The following LTBP1 variants were observed in gnomAD, a reference collection of about 807,000 sequenced individuals.
LTBP1 encodes latent transforming growth factor beta binding protein 1.
Under a neutral mutation model 207.6 loss-of-function variants are expected in LTBP1, and 129 were observed. The ratio of observed to expected loss-of-function variants is 0.62; its 90% confidence interval spans 0.54 to 0.72. LTBP1 has a LOEUF of 0.72. Among genes scored for constraint, LTBP1 ranks in the 30% least tolerant of loss-of-function variants. LTBP1 has a pLI of 0.00. For missense variants in LTBP1, 2,281 were observed against 2,217.2 expected, an observed-to-expected ratio of 1.03 and a Z score of -0.58; for synonymous variants, 963 against 833.7, an observed-to-expected ratio of 1.16 and a Z score of -2.67.
At chr2:32,959,619 A>ATTTTTTTTT (rs1378144146) in intron 2 of LTBP1, among the ~76,000 whole-genome samples, 1,279 of 47,830 alleles carry the variant, frequency 0.027, 37 homozygotes, top group South Asian at 0.041. Flanking sequence ...ATATATATAT[A>ATTTTTTTTT]TATTTTTTTT....
At chr2:33,317,187 G>A (rs2094286317) in intron 24 of LTBP1, among the ~76,000 whole-genome samples, 1 of 152,134 alleles carries the variant, frequency 6.6e-6, no homozygotes, top group South Asian at 2.1e-4. Flanking sequence ...ACTTGGCAAA[G>A]ACTTGAATTT....
At chr2:33,202,302 G>T (rs1291836081) in intron 7 of LTBP1, among the ~76,000 whole-genome samples, 3 of 152,146 alleles carry the variant, frequency 2.0e-5, no homozygotes, top group African/African-American at 7.2e-5. Context: ...TGGGGAAATA[G>T]ATGTGATGCC....
chr2:33,164,634 C>T (rs1209883326), intron 5 of LTBP1, among the ~76,000 whole-genome samples: 1 of 151,858 alleles, frequency 6.6e-6, no homozygotes, highest in Non-Finnish European at 1.5e-5. Context: ...AAAAAATGAC[C>T]CAAAAAGCTC....
intron 5 of LTBP1, among the ~76,000 whole-genome samples, chr2:33,175,935 C>T (rs1291652966): frequency 2.9e-5 from 3 of 105,250 alleles, no homozygotes; most frequent in Non-Finnish European, 2.0e-5. Context: ...TATCCTCACT[C>T]ATAGGTGGGA....
chr2:33,238,615 C>A (rs1284000617), intron 9 of LTBP1, among the ~76,000 whole-genome samples: 1 of 152,202 alleles, frequency 6.6e-6, no homozygotes, highest in Non-Finnish European at 1.5e-5. Context: ...GAGACTTGCT[C>A]TGGGTAACAT....
At chr2:33,217,708 A>G (rs1286422170) in intron 8 of LTBP1, 54 bp downstream of exon 8, 23 of 1,232,480 alleles carry the variant, frequency 1.9e-5, no homozygotes, top group South Asian at 3.8e-5. Context: ...TCTGTTTTTT[A>G]TGATTACTCC....
intron 3 of LTBP1, among the ~76,000 whole-genome samples, chr2:33,074,940 AC>A (rs1000958290): frequency 6.6e-6 from 1 of 151,598 alleles, no homozygotes; most frequent in African/African-American, 2.4e-5. Flanking sequence ...AATCCCAGCT[AC>A]TTGGGAGGCT....
At chr2:32,998,268 A>G (rs1343416384) in intron 2 of LTBP1, among the ~76,000 whole-genome samples, 1 of 152,160 alleles carries the variant, frequency 6.6e-6, no homozygotes, top group Non-Finnish European at 1.5e-5. Context: ...CTGTAATCCC[A>G]GCACTCTGGG....
At chr2:33,111,644 C>G (rs867324406) in intron 4 of LTBP1, among the ~76,000 whole-genome samples, 1 of 152,188 alleles carries the variant, frequency 6.6e-6, no homozygotes, top group Non-Finnish European at 1.5e-5. Flanking sequence ...TCCACCTCCC[C>G]GTTTCTGTAC....
intron 3 of LTBP1, among the ~76,000 whole-genome samples, chr2:33,045,232 T>C (rs1452097549): frequency 6.6e-6 from 1 of 152,156 alleles, no homozygotes; most frequent in Non-Finnish European, 1.5e-5. Context: ...TCTTCTAGGG[T>C]TTTTATGGTT....
Position 33,398,987 on chromosome 2 carries a change from T to G in LTBP1, c.*442T>G, listed in dbSNP as rs2095383339. 6.5e-6 allele frequency: 1 copy of G among 153,040 alleles called. No individual in the cohort carries two copies. The allele number at this position is 153,040 out of a possible 1,614,324, so 9.5% of individuals were successfully genotyped here. A position where few individuals can be genotyped will look rare whatever the true frequency, so the allele number is the denominator to read the frequency against. ...TTTTTAAAAATCTCAAATGAAAAAG[T>G]CTTCGATACAATATTGTTAAGCTGT... On this transcript the variant is annotated 3_prime_UTR_variant, in exon 34 of 34. Transcript: ENST00000404816.
Position 33,076,925 on chromosome 2 carries a change from G to A in LTBP1, c.864-33657G>A, listed in dbSNP as rs189156221. Among the ~76,000 whole-genome samples, 539 of 152,258 alleles carry A rather than the reference G, an allele frequency of 3.5e-3. 4 individuals carry two copies. The highest frequency in any genetic ancestry group is 0.012 in the African/African-American group (506 of 41,552). On this transcript the variant is annotated intron_variant, in intron 3 of 33. Coordinates refer to ENST00000404816, the MANE Select transcript of LTBP1 (RefSeq NM_206943.4). ...CAAGAGGGCATCTGTTCAGTGAGGCGAGGGGCTTAGAATTTTATTTTTATT... is the reference window on the plus strand; with the variant it reads ...CAAGAGGGCATCTGTTCAGTGAGGCAAGGGGCTTAGAATTTTATTTTTATT...
chr2:33,168,537 C>T (rs375349680), intron 5 of LTBP1, among the ~76,000 whole-genome samples: 1 of 151,880 alleles, frequency 6.6e-6, no homozygotes, highest in Non-Finnish European at 1.5e-5. Flanking sequence ...TTTAGTATTT[C>T]TGAAGAGCCA....
chr2:33,241,021 A>G (rs1340968819), intron 9 of LTBP1, among the ~76,000 whole-genome samples: 1 of 152,236 alleles, frequency 6.6e-6, no homozygotes, highest in African/African-American at 2.4e-5. Context: ...ATCTAGTTGT[A>G]TACTTAAGAT....
chr2:33,122,630 CAG>C (rs1210501699), intron 4 of LTBP1, among the ~76,000 whole-genome samples: 2 of 152,166 alleles, frequency 1.3e-5, no homozygotes, highest in African/African-American at 4.8e-5. Flanking sequence ...CAAAAAGAAA[CAG>C]AAGTAGCCAA....
intron 3 of LTBP1, among the ~76,000 whole-genome samples, chr2:33,065,251 A>T (rs1261929801): frequency 6.6e-6 from 1 of 152,218 alleles, no homozygotes; most frequent in Non-Finnish European, 1.5e-5. Context: ...CCAACCTTGC[A>T]TTACTAGGAT....
At chr2:33,160,551 T>G (rs974411311) in intron 5 of LTBP1, among the ~76,000 whole-genome samples, 1 of 152,250 alleles carries the variant, frequency 6.6e-6, no homozygotes, top group African/African-American at 2.4e-5. Flanking sequence ...TTTGTTCTTC[T>G]AATAATGACT....
intron 13 of LTBP1, among the ~76,000 whole-genome samples, chr2:33,261,468 A>C (rs919619087): frequency 1.3e-5 from 2 of 152,200 alleles, no homozygotes; most frequent in Non-Finnish European, 2.9e-5. Flanking sequence ...TCAAGTTAAG[A>C]AGAAAGAGGA....
At chr2:33,321,142 A>G (rs959584634) in intron 24 of LTBP1, among the ~76,000 whole-genome samples, 6 of 152,132 alleles carry the variant, frequency 3.9e-5, no homozygotes, top group Non-Finnish European at 7.4e-5. Flanking sequence ...TGATTCTACT[A>G]TTTGATTGAA....
Sources: gnomAD v4.1 joint callset for allele counts (sites outside exome capture counted in the v4.1 genomes callset) on GRCh38, gnomAD v4.1.1 for gene constraint, MANE v1.5 for transcripts, NCBI Gene and HGNC (gene_info 2026-07-23, HGNC 2026-07-21) for gene names.